TRIP12: variants seen among roughly 807,000 people sequenced by gnomAD.
TRIP12 encodes thyroid hormone receptor interactor 12, also known as E3 ubiquitin-protein ligase TRIP12.
A neutral mutation model predicts 244.2 loss-of-function variants in TRIP12; 25 were observed. The ratio of observed to expected loss-of-function variants is 0.10; its 90% confidence interval spans 0.07 to 0.14. The LOEUF is 0.14. Among genes scored for constraint, TRIP12 ranks in the 10% least tolerant of loss-of-function variants. The pLI, the probability that TRIP12 is intolerant of heterozygous loss-of-function variation, is 1.00. For missense variants in TRIP12, 1,677 were observed against 2,486.4 expected (o/e 0.67, Z 6.92); for synonymous variants, 905 against 873.1 (o/e 1.04, Z -0.64).
chr2:229,778,840 G>C lies in TRIP12; in HGVS notation c.5209+36C>G. 2 of 1,580,078 alleles carry C rather than the reference G, an allele frequency of 1.3e-6. No individual in the cohort carries two copies. Among genetic ancestry groups the C allele is most frequent in the Non-Finnish European group, 8.7e-7 (1 of 1,149,342 alleles). On this transcript the variant is annotated intron_variant, in intron 35 of 41. Coordinates refer to ENST00000675903, the MANE Select transcript of TRIP12 (RefSeq NM_001348323.3). The surrounding 1 kb of genome is among the most constrained non-coding windows in gnomAD (Gnocchi z 4.1). Reference sequence around the variant, plus strand: ...TGTCAGAGTCCATTACCTGATCTGAGTAACACAAACCAACTAACTTACAGA... The same window carrying C: ...TGTCAGAGTCCATTACCTGATCTGACTAACACAAACCAACTAACTTACAGA...
At chr2:229,902,101 A>G (rs190867544) in intron 1 of TRIP12, among the ~76,000 whole-genome samples, 277 of 152,292 alleles carry the variant, frequency 1.8e-3, no homozygotes, top group African/African-American at 6.5e-3. Flanking sequence ...TTGAAATTAA[A>G]GCCAGGCATG....
intron 24 of TRIP12, 118 bp downstream of exon 24, chr2:229,797,572 A>T: frequency 7.8e-7 from 1 of 1,278,018 alleles, no homozygotes; most frequent in Non-Finnish European, 1.1e-6. Flanking sequence ...TATATAAGGT[A>T]AAAGTCGATG....
intron 18 of TRIP12, among the ~76,000 whole-genome samples, chr2:229,805,222 A>AAACAACAACAACAACAAAC (rs1553624616): frequency 1.3e-5 from 2 of 149,482 alleles, no homozygotes; most frequent in Admixed American, 1.3e-4. Flanking sequence ...GCCCTTTTCA[A>AAACAACAACAACAACAAAC]AACAACAACA....
intron 25 of TRIP12, among the ~76,000 whole-genome samples, chr2:229,795,908 CCT>C (rs2042699566): frequency 6.6e-6 from 1 of 152,174 alleles, no homozygotes; most frequent in African/African-American, 2.4e-5. Flanking sequence ...TGCTCAAATG[CCT>C]CTGAGGACTG....
At chr2:229,881,406 G>A (rs1436184012) in intron 1 of TRIP12, among the ~76,000 whole-genome samples, 1 of 152,172 alleles carries the variant, frequency 6.6e-6, no homozygotes, top group African/African-American at 2.4e-5. Context: ...TATTTACTGG[G>A]AAAGAGAGTG....
chr2:229,774,064 A>G (rs1285182353), intron 38 of TRIP12, 33 bp downstream of exon 38: 1 of 1,600,068 alleles, frequency 6.2e-7, no homozygotes, highest in Admixed American at 1.7e-5. Context: ...CGTCTTCACA[A>G]CTGGCCTACC....
chr2:229,914,870 T>A (rs1218515755), intron 1 of TRIP12, among the ~76,000 whole-genome samples: 1 of 152,222 alleles, frequency 6.6e-6, no homozygotes, highest in Non-Finnish European at 1.5e-5. Flanking sequence ...TATAGAAATA[T>A]GTACATGCTC....
In TRIP12 at chr2:229,864,047, A is replaced by AGAGAGAGAGAGAGTGTGT; in HGVS notation, c.99-3517_99-3516insACACACTCTCTCTCTCTC. On this transcript the variant is annotated intron_variant, in intron 2 of 41. Coordinates refer to ENST00000675903, the MANE Select transcript of TRIP12 (RefSeq NM_001348323.3). ...GAGAGAGAGAGAGAGAGAGAGAGAG[A>AGAGAGAGAGAGAGTGTGT]GTGTGTGTGTGTGTGTGTGTGTGTG... Among the ~76,000 whole-genome samples, 149 of 79,236 alleles carry AGAGAGAGAGAGAGTGTGT rather than the reference A, an allele frequency of 1.9e-3. 1 individual carries two copies. Among genetic ancestry groups the AGAGAGAGAGAGAGTGTGT allele is most frequent in the Middle Eastern group, 0.019 (2 of 106 alleles). The allele number at this position is 79,236 out of a possible 152,430, so 52.0% of individuals were successfully genotyped here.
intron 1 of TRIP12, among the ~76,000 whole-genome samples, chr2:229,906,692 C>T (rs1437032012): frequency 6.7e-6 from 1 of 149,610 alleles, no homozygotes; most frequent in Non-Finnish European, 1.5e-5. Context: ...TGCACTCCAA[C>T]CTGGGCAACA....
chr2:229,916,845 G>A (rs1230491217), intron 1 of TRIP12, among the ~76,000 whole-genome samples: 4 of 131,016 alleles, frequency 3.1e-5, no homozygotes, highest in African/African-American at 1.1e-4. Context: ...GACATTAGCA[G>A]AGTTAAATTT....
intron 1 of TRIP12, among the ~76,000 whole-genome samples, chr2:229,895,852 A>G (rs2068668016): frequency 6.6e-6 from 1 of 152,158 alleles, no homozygotes; most frequent in South Asian, 2.1e-4. Flanking sequence ...GACATGTCAT[A>G]ATTCAAAAAC....
chr2:229,872,591 T>C (rs1166843874), intron 2 of TRIP12, among the ~76,000 whole-genome samples: 3 of 152,016 alleles, frequency 2.0e-5, no homozygotes, highest in Non-Finnish European at 4.4e-5. Flanking sequence ...AAGATGCCTA[T>C]GAAACAGTTA....
chr2:229,773,487 G>C (rs1244848863), intron 38 of TRIP12: 1 of 152,186 alleles, frequency 6.6e-6, no homozygotes, highest in Non-Finnish European at 1.5e-5. Context: ...GGGCTCAAGC[G>C]CCCTCCCACC....
At position 229,859,137 on chromosome 2, in the gene TRIP12, G is replaced by T; in HGVS notation, c.662C>A (p.Ala221Asp). The stretch of plus-strand genomic sequence containing the variant: ...TTTGGCTGAGGTGGCTGATTTTGAA[G>T]CCAGCTTGGTAGGTTTCGCAGATCT... ...EERSAKPTKLASKSATSAKAG... is the reference protein window; with the variant it reads ...EERSAKPTKLDSKSATSAKAG... The change falls in exon 4 of 42, where the codon GCT (alanine) becomes GAT (aspartate). Residue 221 changes from alanine (A) to aspartate (D), a missense_variant. Physicochemically the swap from Ala to Asp is moderately radical, Grantham distance 126. This residue lies in a region of TRIP12 where 387 missense variants were observed against 392.6 expected (regional missense o/e 0.99). Coordinates refer to ENST00000675903, the MANE Select transcript of TRIP12 (RefSeq NM_001348323.3). The T allele has an allele frequency of 6.2e-7, 1 of 1,614,188 alleles. No individual in the cohort carries two copies.
In TRIP12 at chr2:229,778,761, G is replaced by A. The variant is rs2037125914; in HGVS notation, c.5209+115C>T. The A allele has an allele frequency of 2.2e-6, 3 of 1,345,468 alleles. No individual in the cohort carries two copies. Among genetic ancestry groups the A allele is most frequent in the South Asian group, 1.4e-5 (1 of 73,474 alleles). 83.3% of individuals were successfully genotyped at this position (1,345,468 alleles called of 1,614,324 possible). A position where few individuals can be genotyped will look rare whatever the true frequency, so the allele number is the denominator to read the frequency against. On this transcript the variant is annotated intron_variant, in intron 35 of 41. Transcript: ENST00000675903. The surrounding 1 kb of genome is among the most constrained non-coding windows in gnomAD (Gnocchi z 4.1). ...CTATTTGATAAATGAGAAAACAGAG[G>A]CTAAAAGAAAGCAAGTACAGCTGTC...
chr2:229,805,853 T>G lies in TRIP12; in HGVS notation c.2527A>C (p.Ser843Arg). 6.3e-7 allele frequency: 1 copy of G among 1,596,252 alleles called. No homozygotes were observed. The highest frequency in any genetic ancestry group is 8.6e-7 in the Non-Finnish European group (1 of 1,166,776). ...AAHQVGEDEI[S>R]LSTLGRVYTI... ...TAAACTCGTCCCAGAGTGGACAAGC[T>G]TATCTCATCCTCACCGACCTGATGG... Residue 843 changes from serine to arginine, a missense_variant, in exon 18 of 42, where the codon AGC becomes CGC. This residue lies in a region of TRIP12 where 572 missense variants were observed against 867.8 expected (regional missense o/e 0.66). Coordinates refer to ENST00000675903, the MANE Select transcript of TRIP12 (RefSeq NM_001348323.3).
rs569305745 is a variant in TRIP12 at position 229,767,385 on chromosome 2, A to C, written c.*169T>G. 4 of 677,258 alleles carry C rather than the reference A, an allele frequency of 5.9e-6. No individual in the cohort carries two copies. The highest frequency in any genetic ancestry group is 7.3e-5 in the Admixed American group (2 of 27,294). The allele number at this position is 677,258 out of a possible 1,614,324, so 42.0% of individuals were successfully genotyped here. On this transcript the variant is annotated 3_prime_UTR_variant, in exon 42 of 42. Transcript: ENST00000675903. ...TTTAGGGCCTGATCACTTTAAGTCC[A>C]TGGGGCCATTAATGAATATCAACCA...
chr2:229,858,987 T>A lies in TRIP12; in HGVS notation c.812A>T (p.Asn271Ile), dbSNP rs772726345. ...CGCTGAACGGGAACGCCTGGCCTTG[T>A]TCTGATCTTTTCCTTGTTTCACTCT... ...GARVKQGKDQ[N>I]KARRSRSASS... The change falls in exon 4 of 42, where the codon AAC becomes ATC. Residue 271 changes from asparagine to isoleucine, a missense_variant. Transcript: ENST00000675903. 1 of 1,614,204 alleles carries A rather than the reference T, an allele frequency of 6.2e-7. No individual in the cohort carries two copies. The highest frequency in any genetic ancestry group is 8.5e-7 in the Non-Finnish European group (1 of 1,180,044).
chr2:229,872,078 T>A (rs964130819), intron 2 of TRIP12, among the ~76,000 whole-genome samples: 68 of 110,248 alleles, frequency 6.2e-4, no homozygotes, highest in Non-Finnish European at 9.0e-4. Context: ...TTAAAACTGA[T>A]AATATAGTTT....
Sources: allele counts gnomAD v4.1 joint callset (sites outside exome capture counted in the v4.1 genomes callset), GRCh38; gene constraint gnomAD v4.1.1; regional missense constraint gnomAD v4.1.1; non-coding constraint Gnocchi (gnomAD v3.1); transcripts MANE v1.5; gene names NCBI Gene and HGNC (gene_info 2026-07-23, HGNC 2026-07-21).